SLC30A8: variants seen among roughly 807,000 people sequenced by gnomAD.
The protein encoded by SLC30A8 is solute carrier family 30 member 8.
In SLC30A8, 27 loss-of-function variants were observed where a neutral mutation model predicts 36.9. That is an observed-to-expected ratio of 0.73 (90% CI 0.54 to 1.01). SLC30A8 has a LOEUF of 1.01. Among genes scored for constraint, SLC30A8 ranks in the 50% least tolerant of loss-of-function variants. The pLI, the probability that SLC30A8 is intolerant of heterozygous loss-of-function variation, is 0.00. For synonymous variants in SLC30A8, 164 were observed against 172.4 expected (o/e 0.95, Z 0.38); for missense variants, 439 against 452.0 (o/e 0.97, Z 0.26).
At chr8:117,035,762 G>A (rs973034159) in intron 1 of SLC30A8, among the ~76,000 whole-genome samples, 1 of 152,236 alleles carries the variant, frequency 6.6e-6, no homozygotes, top group Non-Finnish European at 1.5e-5. Flanking sequence ...TCTAGGCAGA[G>A]GTTTCCAAAC....
intron 2 of SLC30A8, among the ~76,000 whole-genome samples, chr8:117,124,098 C>T (rs1445157532): frequency 6.6e-6 from 1 of 151,918 alleles, no homozygotes; most frequent in Non-Finnish European, 1.5e-5. Flanking sequence ...AACTGCTTCC[C>T]AGGAGCACAT....
chr8:117,023,104 C>A (rs1362844587), intron 1 of SLC30A8, among the ~76,000 whole-genome samples: 1 of 152,102 alleles, frequency 6.6e-6, no homozygotes, highest in African/African-American at 2.4e-5. Context: ...ATTTATGCAG[C>A]CAAAAGACAC....
chr8:117,155,779 G>C (rs1436560527), intron 3 of SLC30A8, among the ~76,000 whole-genome samples: 1 of 152,210 alleles, frequency 6.6e-6, no homozygotes, highest in East Asian at 1.9e-4. Context: ...TCTGAGGTCT[G>C]TGAGGGGAAG....
chr8:116,978,026 C>A (rs1170612762), intron 1 of SLC30A8, among the ~76,000 whole-genome samples: 1 of 152,030 alleles, frequency 6.6e-6, no homozygotes, highest in Non-Finnish European at 1.5e-5. Context: ...AGCTATCTTG[C>A]CAACTTTGGT....
At chr8:116,976,075 A>G (rs1814992502) in intron 1 of SLC30A8, among the ~76,000 whole-genome samples, 1 of 152,146 alleles carries the variant, frequency 6.6e-6, no homozygotes, top group Non-Finnish European at 1.5e-5. Context: ...AATAATGATT[A>G]CTTTCATATA....
At position 117,146,952 on chromosome 8, in the gene SLC30A8, A is replaced by G. The variant is rs149521249; in HGVS notation, c.72-2A>G. On this transcript the variant is annotated splice_acceptor_variant, in intron 1 of 7. Coordinates refer to ENST00000456015, the MANE Select transcript of SLC30A8 (RefSeq NM_173851.3). LOFTEE classifies it high-confidence loss of function. ...TCTTGCTTCTGTCAAACTCATCCAT[A>G]GTGTGGAACTCCAACAGAAACCGGT... The G allele has an allele frequency of 5.8e-5, 93 of 1,613,846 alleles. No homozygotes were observed. Among genetic ancestry groups the G allele is most frequent in the Non-Finnish European group, 7.8e-5 (92 of 1,179,878 alleles).
At chr8:117,104,958 T>C (rs999211746) in intron 2 of SLC30A8, among the ~76,000 whole-genome samples, 1 of 152,016 alleles carries the variant, frequency 6.6e-6, no homozygotes, top group Non-Finnish European at 1.5e-5. Flanking sequence ...CTGGTGAGGG[T>C]GTCTTTTAGC....
chr8:117,123,216 C>T lies in SLC30A8; in HGVS notation c.-225-12064C>T, dbSNP rs556514311. Among the ~76,000 whole-genome samples, 4 of 152,036 alleles carry T rather than the reference C, an allele frequency of 2.6e-5. No individual in the cohort carries two copies. The East Asian group carries it at 7.8e-4, about 30-fold the overall frequency. ...TGGGTCTAAGTTTTAATAATGGCGA[C>T]AGACAGGATGTGTCTACATTTAAAC... On this transcript the variant is annotated intron_variant, in intron 2 of 10. Transcript: ENST00000427715.
chr8:117,029,485 C>G (rs900430530), intron 1 of SLC30A8, among the ~76,000 whole-genome samples: 1 of 152,124 alleles, frequency 6.6e-6, no homozygotes, highest in Non-Finnish European at 1.5e-5. Flanking sequence ...AGAAAGACAA[C>G]CACAGAAACT....
intron 1 of SLC30A8, among the ~76,000 whole-genome samples, chr8:116,999,999 T>A (rs1293822192): frequency 6.6e-6 from 1 of 152,188 alleles, no homozygotes; most frequent in Non-Finnish European, 1.5e-5. Context: ...CATTTTAGTC[T>A]TTGGGAGATC....
At chr8:117,143,046 A>G (rs951348591) in intron 1 of SLC30A8, among the ~76,000 whole-genome samples, 7 of 152,166 alleles carry the variant, frequency 4.6e-5, no homozygotes, top group African/African-American at 7.2e-5. Context: ...ATTGATATGA[A>G]AGTACAAAAG....
intron 1 of SLC30A8, among the ~76,000 whole-genome samples, chr8:116,957,250 G>A (rs1814243276): frequency 6.6e-6 from 1 of 151,906 alleles, no homozygotes; most frequent in South Asian, 2.1e-4. Flanking sequence ...GCTATTATGG[G>A]CAGCACCATT....
chr8:117,016,127 G>C (rs1816510981), intron 1 of SLC30A8, among the ~76,000 whole-genome samples: 1 of 152,140 alleles, frequency 6.6e-6, no homozygotes, highest in South Asian at 2.1e-4. Flanking sequence ...TGTCTGTTTA[G>C]ACCAGGCAGA....
intron 1 of SLC30A8, among the ~76,000 whole-genome samples, chr8:117,033,036 G>A (rs911292358): frequency 6.6e-6 from 1 of 152,174 alleles, no homozygotes; most frequent in Non-Finnish European, 1.5e-5. Flanking sequence ...GGAAGGGAGT[G>A]GAGTTCTGTG....
chr8:116,976,818 CTTTCTTT>C (rs1815037718), intron 1 of SLC30A8, among the ~76,000 whole-genome samples: 2 of 134,638 alleles, frequency 1.5e-5, no homozygotes, highest in African/African-American at 3.2e-5. Context: ...TTCTTTCTTT[CTTTCTTT>C]TTTTTTTTTT....
chr8:117,062,936 TAAAAC>T (rs1004007694), intron 2 of SLC30A8, among the ~76,000 whole-genome samples: 1 of 152,200 alleles, frequency 6.6e-6, no homozygotes, highest in Non-Finnish European at 1.5e-5. Context: ...AATCCTCACT[TAAAAC>T]AGATCGCCTC....
chr8:117,080,712 A>T (rs1818648644), intron 2 of SLC30A8, among the ~76,000 whole-genome samples: 2 of 152,212 alleles, frequency 1.3e-5, no homozygotes, highest in South Asian at 2.1e-4. Context: ...TATATGTATC[A>T]GATTTTCTTC....
Position 117,129,723 on chromosome 8 carries a change from A to T in SLC30A8, c.-225-5557A>T, listed in dbSNP as rs1821053675. On this transcript the variant is annotated intron_variant, in intron 2 of 10. Transcript: ENST00000427715. ...AAATGAAATTTTTATTTTGTGAATG[A>T]TAACGTATTATATTTCTGGTGGAGA... 2.6e-5 allele frequency among the ~76,000 whole-genome samples: 4 copies of T among 152,162 alleles called. No homozygotes were observed. The South Asian group carries it at 8.3e-4, about 31-fold the overall frequency.
chr8:117,153,789 CAGG>C (rs1822325448), intron 3 of SLC30A8, among the ~76,000 whole-genome samples: 1 of 150,422 alleles, frequency 6.6e-6, no homozygotes, highest in African/African-American at 2.4e-5. Flanking sequence ...ACTGTTGTAA[CAGG>C]AGGAAAGCAA....
Sources: gnomAD v4.1 joint callset for allele counts (sites outside exome capture counted in the v4.1 genomes callset) on GRCh38, gnomAD v4.1.1 for gene constraint, MANE v1.5 for transcripts, NCBI Gene and HGNC (gene_info 2026-07-23, HGNC 2026-07-21) for gene names.